Variants in KCNT1 observed in about 807,000 individuals in gnomAD.
The protein encoded by KCNT1 is potassium channel subfamily T member 1.
In KCNT1, 78 loss-of-function variants were observed where a neutral mutation model predicts 147.8. That is an observed-to-expected ratio of 0.53 (90% CI 0.44 to 0.64). The LOEUF (loss-of-function observed/expected upper bound fraction) is 0.64. KCNT1 is among the 30% of genes least tolerant of loss of function. The pLI is 0.00. For missense variants in KCNT1, 1,419 were observed against 1,750.3 expected, an observed-to-expected ratio of 0.81 and a Z score of 3.38; for synonymous variants, 867 against 748.8, an observed-to-expected ratio of 1.16 and a Z score of -2.58.
chr9:135,750,929 G>A lies in KCNT1; in HGVS notation c.335-13G>A, dbSNP rs1233999873. The A allele has an allele frequency of 1.9e-6, 3 of 1,612,050 alleles. No individual in the cohort carries two copies. The highest frequency in any genetic ancestry group is 1.7e-6 in the Non-Finnish European group (2 of 1,179,252). On this transcript the variant is annotated splice_polypyrimidine_tract_variant and intron_variant, in intron 3 of 30. Transcript: ENST00000371757. ...GCTGGGTCAGAGCCCTGAGGCCGCT[G>A]CCCTCCCCGCAGGCCTGAGGATCCG...
chr9:135,770,762 C>T (rs925757558), intron 17 of KCNT1, 95 bp from the exon 18 acceptor site: 43 of 1,213,464 alleles, frequency 3.5e-5, no homozygotes, highest in African/African-American at 1.4e-4. Context: ...CGCGGAGCTC[C>T]GGTGGGGACT....
chr9:135,716,082 G>C (rs1835709262), intron 2 of KCNT1, among the ~76,000 whole-genome samples: 1 of 152,212 alleles, frequency 6.6e-6, no homozygotes, highest in African/African-American at 2.4e-5. Context: ...GTGGCTGGGA[G>C]GCTCTCCTGG....
At chr9:135,706,265 G>A (rs541618724) in intron 1 of KCNT1, among the ~76,000 whole-genome samples, 1 of 152,220 alleles carries the variant, frequency 6.6e-6, no homozygotes, top group African/African-American at 2.4e-5. Context: ...CAGCCAGTTC[G>A]TCTTTGCCTT....
chr9:135,734,066 C>A (rs1830235439), intron 2 of KCNT1, among the ~76,000 whole-genome samples: 1 of 152,174 alleles, frequency 6.6e-6, no homozygotes, highest in South Asian at 2.1e-4. Flanking sequence ...TCGCGGTAGG[C>A]AAAGCGAGGC....
chr9:135,778,527 C>T (rs1167779178), intron 22 of KCNT1, 32 bp downstream of exon 22: 4 of 1,599,446 alleles, frequency 2.5e-6, no homozygotes, highest in Non-Finnish European at 2.6e-6. Flanking sequence ...CTCGTGGGGG[C>T]TCCACACCCA....
chr9:135,792,144 G>A lies in KCNT1; in HGVS notation c.3691G>A (p.Asp1231Asn), dbSNP rs146193090. 7 of 1,605,686 alleles carry A rather than the reference G, an allele frequency of 4.4e-6. No homozygotes were observed. The highest frequency in any genetic ancestry group is 4.5e-5 in the East Asian group (2 of 44,824). The change falls in exon 31 of 31, where the codon GAC becomes AAC. Residue 1231 changes from aspartate to asparagine, a missense_variant. Around this residue, in one of 5 missense-constraint regions of KCNT1, gnomAD observed 306 missense variants for 294.2 expected, o/e 1.04. Transcript: ENST00000371757. ...GTCGTCCTGCAACCCCGAGACTCGCGACGAGACACAGCTCTGAGCCAGCCC... is the reference window on the plus strand; with the variant it reads ...GTCGTCCTGCAACCCCGAGACTCGCAACGAGACACAGCTCTGAGCCAGCCC... ...KLSSCNPETRDETQL is the reference protein window; with the variant it reads ...KLSSCNPETRNETQL
In KCNT1 at chr9:135,714,075, A is replaced by T. The variant is rs1029626587; in HGVS notation, c.111-502A>T. The stretch of plus-strand genomic sequence containing the variant: ...GGTCACTCCACCCTCACCCCTCAAC[A>T]GCCTGAGGGTCTGAGACGGGGGTCT... On this transcript the variant is annotated intron_variant, in intron 1 of 30. Transcript: ENST00000371757. The surrounding 1 kb of genome is among the most constrained non-coding windows in gnomAD (Gnocchi z 6.2). Among the ~76,000 whole-genome samples the T allele has an allele frequency of 1.3e-5, 2 of 151,718 alleles. No individual in the cohort carries two copies. The highest frequency in any genetic ancestry group is 4.8e-5 in the African/African-American group (2 of 41,296).
chr9:135,748,475 C>A (rs528567910), intron 2 of KCNT1, among the ~76,000 whole-genome samples: 1 of 152,350 alleles, frequency 6.6e-6, no homozygotes, highest in African/African-American at 2.4e-5. Flanking sequence ...ACATCAAATT[C>A]TCAGATTCGA....
At chr9:135,703,353 C>T (rs968523087) in intron 1 of KCNT1, among the ~76,000 whole-genome samples, 3 of 152,358 alleles carry the variant, frequency 2.0e-5, no homozygotes, top group Non-Finnish European at 4.4e-5. Flanking sequence ...CCTGTTTGTT[C>T]TATGGGACTC....
intron 28 of KCNT1, chr9:135,785,650 C>CCCAGCCT: frequency 1.8e-6 from 1 of 561,076 alleles, no homozygotes; most frequent in Middle Eastern, 4.8e-4. Context: ...CTGACCAGCC[C>CCCAGCCT]CCAGCCTCCC....
At chr9:135,766,303 CATCTGGGGTGGGCT>C (rs546692193) in intron 13 of KCNT1, among the ~76,000 whole-genome samples, 4 of 150,094 alleles carry the variant, frequency 2.7e-5, no homozygotes, top group Non-Finnish European at 5.9e-5. Flanking sequence ...CAGGGTGGAC[CATCTGGGGTGGGCT>C]GTCTGGGGTG....
intron 1 of KCNT1, among the ~76,000 whole-genome samples, chr9:135,707,867 A>G (rs1482155652): frequency 6.6e-6 from 1 of 152,120 alleles, no homozygotes; most frequent in Non-Finnish European, 1.5e-5. Context: ...CGGCTCCTCC[A>G]TGTGTTCTGA....
chr9:135,717,668 C>T (rs76830388), intron 2 of KCNT1, among the ~76,000 whole-genome samples: 3,883 of 152,314 alleles, frequency 0.025, 112 homozygotes, highest in East Asian at 0.14. Context: ...GACTCAGGCC[C>T]TCCTGAGAAA....
At chr9:135,778,258 A>C (rs935198928) in intron 21 of KCNT1, 166 bp from the exon 22 acceptor site, 1 of 622,442 alleles carries the variant, frequency 1.6e-6, no homozygotes, top group Non-Finnish European at 2.8e-6. Flanking sequence ...TGAATAAAAT[A>C]AAGAATGGCC....
chr9:135,768,876 C>T lies in KCNT1; in HGVS notation c.1449C>T (p.Pro483=), dbSNP rs765534465. 28 of 1,613,518 alleles carry T rather than the reference C, an allele frequency of 1.7e-5. No homozygotes were observed. The South Asian group carries it at 2.9e-4, about 16-fold the overall frequency. ...CCTGGGCCGTGAAGGACTTCGCCCC[C>T]AACTGCCCCCTCTACGTCCAGATCC... ...LRAWAVKDFA[P]NCPLYVQILK... The change falls in exon 15 of 31, where the codon CCC becomes CCT. Residue 483 remains proline, a synonymous_variant. Transcript: ENST00000371757.
intron 1 of KCNT1, among the ~76,000 whole-genome samples, chr9:135,710,382 C>T (rs1165017): frequency 0.85 from 130,023 of 152,214 alleles, 56,350 homozygotes; most frequent in Non-Finnish European, 0.93. Flanking sequence ...AAGTGATAAA[C>T]AAGGACAAAT....
In KCNT1 at chr9:135,775,291, C is replaced by A; in HGVS notation, c.2244-19C>A. 6.3e-7 allele frequency: 1 copy of A among 1,588,010 alleles called. No homozygotes were observed. The highest frequency in any genetic ancestry group is 8.6e-7 in the Non-Finnish European group (1 of 1,162,318). Reference sequence around the variant, plus strand: ...CACCTCTGTGCAGCTGTGCTGAGGGCTCCTGTCTCCTGCCCCAGGTATGTG... The same window carrying A: ...CACCTCTGTGCAGCTGTGCTGAGGGATCCTGTCTCCTGCCCCAGGTATGTG... On this transcript the variant is annotated intron_variant, in intron 19 of 30. Coordinates refer to ENST00000371757, the MANE Select transcript of KCNT1 (RefSeq NM_020822.3).
intron 2 of KCNT1, among the ~76,000 whole-genome samples, chr9:135,747,506 G>A (rs1399328516): frequency 1.3e-5 from 2 of 152,172 alleles, no homozygotes; most frequent in East Asian, 1.9e-4. Context: ...GCCAGACCAG[G>A]CCCAGCGCAG....
At position 135,756,917 on chromosome 9, in the gene KCNT1, C is replaced by T. The variant is rs148910448; in HGVS notation, c.585C>T (p.Ile195=). The T allele has an allele frequency of 2.0e-4, 327 of 1,612,978 alleles. No individual in the cohort carries two copies. The highest frequency in any genetic ancestry group is 2.6e-4 in the Non-Finnish European group (307 of 1,179,934). Residue 195 remains isoleucine, a synonymous_variant, in exon 7 of 31, where the codon ATC becomes ATT. Transcript: ENST00000371757. ...GCTTCCTGGAGACGATGCTTCTCAT[C>T]TACCTCAGCTACAAAGTGAGTGCCT... ...IISFLETMLL[I]YLSYKGNIWE... is the part of the protein sequence containing the mutation.
Sources: allele counts gnomAD v4.1 joint callset (sites outside exome capture counted in the v4.1 genomes callset), GRCh38; gene constraint gnomAD v4.1.1; regional missense constraint gnomAD v4.1.1; non-coding constraint Gnocchi (gnomAD v3.1); transcripts MANE v1.5; gene names NCBI Gene and HGNC (gene_info 2026-07-23, HGNC 2026-07-21).